Variants in PTPRK observed in about 807,000 individuals in gnomAD.
PTPRK encodes receptor-type tyrosine-protein phosphatase kappa.
PTPRK carries 75 observed loss-of-function variants against 178.0 expected under a neutral mutation model. That is an observed-to-expected ratio of 0.42 (90% CI 0.35 to 0.51). The LOEUF (loss-of-function observed/expected upper bound fraction) is 0.51. PTPRK is among the 20% of genes least tolerant of loss of function. The pLI is 0.02. For synonymous variants in PTPRK, 637 were observed against 620.6 expected, an observed-to-expected ratio of 1.03 and a Z score of -0.39; for missense variants, 1,441 against 1,797.8, an observed-to-expected ratio of 0.80 and a Z score of 3.59.
chr6:128,489,970 G>A (rs1490817081), intron 1 of PTPRK, among the ~76,000 whole-genome samples: 1 of 151,958 alleles, frequency 6.6e-6, no homozygotes, highest in Admixed American at 6.5e-5. Flanking sequence ...AAGCTTAAGT[G>A]TCTACGAAAA....
intron 7 of PTPRK, among the ~76,000 whole-genome samples, chr6:128,135,078 T>TTACACACACA (rs1554309214): frequency 1.5e-5 from 2 of 136,276 alleles, no homozygotes; most frequent in African/African-American, 5.7e-5. Flanking sequence ...AATCATTCAA[T>TTACACACACA]CACACACACA....
At chr6:128,424,981 G>A (rs1272825440) in intron 1 of PTPRK, among the ~76,000 whole-genome samples, 1 of 151,718 alleles carries the variant, frequency 6.6e-6, no homozygotes, top group African/African-American at 2.4e-5. Flanking sequence ...TTGGGGAATA[G>A]GTGGTGTTTG....
chr6:128,255,981 G>T (rs1428516615), intron 3 of PTPRK, among the ~76,000 whole-genome samples: 2 of 152,062 alleles, frequency 1.3e-5, no homozygotes, highest in Admixed American at 6.5e-5. Context: ...AAAAATATAA[G>T]CCTGTATAAA....
intron 7 of PTPRK, among the ~76,000 whole-genome samples, chr6:128,107,127 A>G (rs1354809163): frequency 2.0e-5 from 3 of 152,098 alleles, no homozygotes; most frequent in Non-Finnish European, 4.4e-5. Context: ...TAAGCAATCC[A>G]TGTAATTATA....
intron 7 of PTPRK, among the ~76,000 whole-genome samples, chr6:128,156,944 A>G (rs1187736273): frequency 6.6e-6 from 1 of 151,656 alleles, no homozygotes; most frequent in East Asian, 2.0e-4. Context: ...AAGTTACCCA[A>G]CTCCTTTTTC....
chr6:128,120,984 AATAGTT>A (rs2114396169), intron 7 of PTPRK, among the ~76,000 whole-genome samples: 1 of 152,074 alleles, frequency 6.6e-6, no homozygotes, highest in East Asian at 1.9e-4. Flanking sequence ...AATTTTAGAA[AATAGTT>A]ATTTGAAATA....
chr6:128,218,665 A>T (rs1809809674), intron 6 of PTPRK, among the ~76,000 whole-genome samples: 1 of 152,234 alleles, frequency 6.6e-6, no homozygotes, highest in South Asian at 2.1e-4. Context: ...AAGGTATTTG[A>T]TATATTTAGT....
At chr6:128,221,928 T>C (rs1427969324) in intron 5 of PTPRK, among the ~76,000 whole-genome samples, 1 of 152,154 alleles carries the variant, frequency 6.6e-6, no homozygotes, top group East Asian at 1.9e-4. Context: ...TTTTTTTCAA[T>C]TAGCACATCA....
intron 3 of PTPRK, among the ~76,000 whole-genome samples, chr6:128,267,839 C>G (rs1819197047): frequency 6.6e-6 from 1 of 152,020 alleles, no homozygotes; most frequent in Admixed American, 6.6e-5. Flanking sequence ...AAATTGGAGA[C>G]TTCTGGAAAA....
chr6:128,178,163 G>A (rs1325120249), intron 7 of PTPRK, among the ~76,000 whole-genome samples: 2 of 151,642 alleles, frequency 1.3e-5, no homozygotes, highest in Non-Finnish European at 2.9e-5. Flanking sequence ...AATTATTTTT[G>A]GTCAGATATT....
At chr6:128,020,361 C>T (rs980134267) in intron 13 of PTPRK, among the ~76,000 whole-genome samples, 11 of 152,064 alleles carry the variant, frequency 7.2e-5, no homozygotes, top group African/African-American at 2.2e-4. Flanking sequence ...AACAACTAAA[C>T]CTGACCCAAA....
rs181633666 is a variant in PTPRK at position 128,219,085 on chromosome 6, T to C, written c.705A>G (p.Gly235=). The C allele has an allele frequency of 2.9e-5, 46 of 1,612,052 alleles. No homozygotes were observed. Among genetic ancestry groups the C allele is most frequent in the Admixed American group, 1.7e-4 (10 of 59,714 alleles). The change falls in exon 6 of 30, where the codon GGA becomes GGG. Residue 235 remains glycine (G), a synonymous_variant. Coordinates refer to ENST00000368226, the MANE Select transcript of PTPRK (RefSeq NM_002844.4). The part of the protein sequence containing the change: ...HNKLWLQRRN[G]EDIPVAQTKN... ...TAGTCTGGGCTACTGGTATATCTTC[T>C]CCATTTCGTCTCTGCAAACAGAAAC...
At chr6:128,407,885 T>A (rs1004402980) in intron 1 of PTPRK, among the ~76,000 whole-genome samples, 1 of 152,092 alleles carries the variant, frequency 6.6e-6, no homozygotes, top group Non-Finnish European at 1.5e-5. Context: ...AGCTGGCAAA[T>A]ATGATTTGCA....
intron 6 of PTPRK, among the ~76,000 whole-genome samples, chr6:128,196,281 C>CA (rs1804843434): frequency 1.3e-5 from 2 of 152,044 alleles, no homozygotes; most frequent in South Asian, 4.2e-4. Context: ...CTTTAGGGGC[C>CA]AAAATACCTG....
chr6:128,067,444 C>A, intron 12 of PTPRK, 75 bp downstream of exon 12: 1 of 1,368,278 alleles, frequency 7.3e-7, no homozygotes. Flanking sequence ...TTGACGGATG[C>A]TACTGAGTAT....
At chr6:128,155,395 G>C (rs1797821491) in intron 7 of PTPRK, among the ~76,000 whole-genome samples, 1 of 151,468 alleles carries the variant, frequency 6.6e-6, no homozygotes, top group Non-Finnish European at 1.5e-5. Flanking sequence ...TTCATTAGTT[G>C]GAATAAATAC....
chr6:127,982,821 T>A lies in PTPRK; in HGVS notation c.3537+10A>T. The A allele has an allele frequency of 6.3e-7, 1 of 1,597,282 alleles. No individual in the cohort carries two copies. The highest frequency in any genetic ancestry group is 8.5e-7 in the Non-Finnish European group (1 of 1,170,652). On this transcript the variant is annotated intron_variant, in intron 24 of 29. Coordinates refer to ENST00000368226, the MANE Select transcript of PTPRK (RefSeq NM_002844.4). ...TAAGTCACAAAAGAGGTTTTAGAAA[T>A]AGTTAATACCTGAAATTCATCCTTG...
At chr6:128,311,525 G>C (rs975265053) in intron 3 of PTPRK, among the ~76,000 whole-genome samples, 1 of 152,108 alleles carries the variant, frequency 6.6e-6, no homozygotes, top group Non-Finnish European at 1.5e-5. Context: ...GGGCCAGAGA[G>C]AGCAGTATGG....
intron 5 of PTPRK, among the ~76,000 whole-genome samples, chr6:128,227,474 G>T (rs1811552907): frequency 6.6e-6 from 1 of 152,158 alleles, no homozygotes; most frequent in Non-Finnish European, 1.5e-5. Flanking sequence ...AATCCCAAAA[G>T]GCAAGCTGCC....
Sources: gnomAD v4.1 joint callset for allele counts (sites outside exome capture counted in the v4.1 genomes callset) on GRCh38, gnomAD v4.1.1 for gene constraint, MANE v1.5 for transcripts, NCBI Gene and HGNC (gene_info 2026-07-23, HGNC 2026-07-21) for gene names.